The following EPB41L4A variants were observed in gnomAD, a reference collection of about 807,000 sequenced individuals.
The protein encoded by EPB41L4A is band 4.1-like protein 4A.
Under a neutral mutation model 108.6 loss-of-function variants are expected in EPB41L4A, and 100 were observed. The observed-to-expected ratio is 0.92, with a 90% CI of 0.78 to 1.09. The LOEUF (loss-of-function observed/expected upper bound fraction) is 1.09, where lower values mean the gene tolerates loss of function less well. EPB41L4A is among the 50% of genes least tolerant of loss of function. The pLI is 0.00. For synonymous variants in EPB41L4A, 319 were observed against 289.0 expected (o/e 1.10, Z -1.05); for missense variants, 1,030 against 842.7 (o/e 1.22, Z -2.75).
intron 12 of EPB41L4A, 150 bp downstream of exon 12, chr5:112,234,484 C>G: frequency 1.6e-6 from 1 of 608,002 alleles, no homozygotes; most frequent in Non-Finnish European, 2.4e-6. Context: ...TTTCCAAGAT[C>G]AAATTAAAAT....
chr5:112,362,280 A>AT (rs1758817520), intron 1 of EPB41L4A, among the ~76,000 whole-genome samples: 1 of 88,084 alleles, frequency 1.1e-5, no homozygotes, highest in South Asian at 5.1e-4. Context: ...TAGAGCATTA[A>AT]TGTTTTTTTT....
intron 1 of EPB41L4A, among the ~76,000 whole-genome samples, chr5:112,328,266 G>A (rs1756313861): frequency 1.3e-5 from 2 of 151,982 alleles, no homozygotes; most frequent in South Asian, 4.2e-4. Context: ...CCAAGATTGT[G>A]CCACTGTACT....
At chr5:112,388,739 A>AG (rs1187896333) in intron 1 of EPB41L4A, among the ~76,000 whole-genome samples, 1 of 152,180 alleles carries the variant, frequency 6.6e-6, no homozygotes, top group Non-Finnish European at 1.5e-5. Context: ...GGGATAGCTC[A>AG]GGGGCTCTTT....
intron 4 of EPB41L4A, among the ~76,000 whole-genome samples, chr5:112,270,339 G>A (rs1361864925): frequency 6.6e-6 from 1 of 152,200 alleles, no homozygotes; most frequent in Non-Finnish European, 1.5e-5. Flanking sequence ...AACCTACACA[G>A]AGGTAATAAG....
At chr5:112,216,912 AC>A (rs1747682876) in intron 12 of EPB41L4A, among the ~76,000 whole-genome samples, 1 of 152,230 alleles carries the variant, frequency 6.6e-6, no homozygotes, top group Non-Finnish European at 1.5e-5. Context: ...TTTCTATACC[AC>A]AAATTACGGC....
chr5:112,156,697 A>G (rs1285636701), intron 12 of EPB41L4A, among the ~76,000 whole-genome samples: 1 of 152,222 alleles, frequency 6.6e-6, no homozygotes, highest in Admixed American at 6.5e-5. Flanking sequence ...ACTATCACAC[A>G]TACCATTTTC....
intron 1 of EPB41L4A, among the ~76,000 whole-genome samples, chr5:112,336,561 A>G (rs532587308): frequency 2.8e-4 from 43 of 152,338 alleles, no homozygotes; most frequent in Non-Finnish European, 5.4e-4. Flanking sequence ...CAGTGGTACA[A>G]GAGCACTTTC....
chr5:112,391,796 A>T (rs1760960374), intron 1 of EPB41L4A, among the ~76,000 whole-genome samples: 2 of 152,186 alleles, frequency 1.3e-5, no homozygotes, highest in African/African-American at 4.8e-5. Flanking sequence ...CCAAGGTTGA[A>T]ATGAAGGAAA....
intron 1 of EPB41L4A, among the ~76,000 whole-genome samples, chr5:112,409,164 T>C (rs1023950799): frequency 1.5e-4 from 23 of 152,180 alleles, no homozygotes; most frequent in Non-Finnish European, 1.5e-5. Flanking sequence ...AATGACAAAG[T>C]ACTGATATGT....
Position 112,374,478 on chromosome 5 carries a change from A to G in EPB41L4A, c.99+44463T>C, listed in dbSNP as rs17134423. ...AGTCTTCTAAATAAAAATGATTCGC[A>G]CTATAAAACACTCTGGCCCAATCAC... On this transcript the variant is annotated intron_variant, in intron 1 of 22. Coordinates refer to ENST00000261486, the MANE Select transcript of EPB41L4A (RefSeq NM_022140.5). Among the ~76,000 whole-genome samples the G allele has an allele frequency of 7.8e-3, 1,191 of 152,354 alleles. 23 individuals are homozygous for G. The highest frequency in any genetic ancestry group is 0.049 in the East Asian group (256 of 5,180).
intron 9 of EPB41L4A, among the ~76,000 whole-genome samples, chr5:112,241,816 C>T (rs907961446): frequency 2.0e-5 from 3 of 152,140 alleles, no homozygotes; most frequent in African/African-American, 7.2e-5. Flanking sequence ...CTGCAGACTA[C>T]TGCAATAAAG....
chr5:112,381,249 T>C (rs943446284), intron 1 of EPB41L4A, among the ~76,000 whole-genome samples: 1 of 152,242 alleles, frequency 6.6e-6, no homozygotes, highest in South Asian at 2.1e-4. Context: ...AACTTTTGGA[T>C]TGCAGAATTG....
intron 12 of EPB41L4A, among the ~76,000 whole-genome samples, chr5:112,220,341 C>G (rs1747960514): frequency 6.6e-6 from 1 of 152,094 alleles, no homozygotes; most frequent in African/African-American, 2.4e-5. Flanking sequence ...GAGAAAATGA[C>G]TTAGAAAAGG....
At chr5:112,263,150 G>A (rs1191013349) in intron 6 of EPB41L4A, among the ~76,000 whole-genome samples, 1 of 152,178 alleles carries the variant, frequency 6.6e-6, no homozygotes, top group Non-Finnish European at 1.5e-5. Flanking sequence ...TTCATTGGTG[G>A]TAATATAAAG....
Position 112,210,113 on chromosome 5 carries a change from CAAAT to C in EPB41L4A, c.1088-135_1088-132del, listed in dbSNP as rs747059792. ...ACATTTTATTGATAAATTATAACCC[CAAAT>C]AAATAATGAATCACCCAATAAATTG... On this transcript the variant is annotated intron_variant, in intron 12 of 22. Coordinates refer to ENST00000261486, the MANE Select transcript of EPB41L4A (RefSeq NM_022140.5). 8.5e-4 allele frequency: 472 copies of C among 556,832 alleles called. 1 individual carries two copies. Among genetic ancestry groups the C allele is most frequent in the Non-Finnish European group, 1.3e-3 (401 of 317,926 alleles). The allele number at this position is 556,832 out of a possible 1,614,324, so 34.5% of individuals were successfully genotyped here.
At chr5:112,364,519 G>C (rs1221784755) in intron 1 of EPB41L4A, among the ~76,000 whole-genome samples, 2 of 152,158 alleles carry the variant, frequency 1.3e-5, no homozygotes, top group Non-Finnish European at 2.9e-5. Context: ...ATTTTCACTG[G>C]AAGTAAGATA....
intron 1 of EPB41L4A, among the ~76,000 whole-genome samples, chr5:112,377,627 C>T (rs1374618292): frequency 6.6e-6 from 1 of 152,126 alleles, no homozygotes; most frequent in African/African-American, 2.4e-5. Flanking sequence ...TTTGCCAAGA[C>T]CAATTATTCC....
chr5:112,326,194 G>A (rs821742), intron 1 of EPB41L4A, among the ~76,000 whole-genome samples: 5,520 of 151,952 alleles, frequency 0.036, 343 homozygotes, highest in African/African-American at 0.13. Flanking sequence ...CAAACCATTC[G>A]AAATCTTCCA....
chr5:112,211,289 A>G (rs1349756101), intron 12 of EPB41L4A, among the ~76,000 whole-genome samples: 1 of 152,154 alleles, frequency 6.6e-6, no homozygotes, highest in Non-Finnish European at 1.5e-5. Flanking sequence ...ACAGACTCTT[A>G]AAAGGGCAAG....
Sources: gnomAD v4.1 joint callset for allele counts (sites outside exome capture counted in the v4.1 genomes callset) on GRCh38, gnomAD v4.1.1 for gene constraint, MANE v1.5 for transcripts, NCBI Gene and HGNC (gene_info 2026-07-23, HGNC 2026-07-21) for gene names.